SLIT1: variants seen among roughly 807,000 people sequenced by gnomAD.
The protein encoded by SLIT1 is slit guidance ligand 1.
SLIT1 carries 66 observed loss-of-function variants against 186.1 expected under a neutral mutation model. The observed-to-expected ratio is 0.35, with a 90% CI of 0.29 to 0.44. The LOEUF (loss-of-function observed/expected upper bound fraction) is 0.44. Among genes scored for constraint, SLIT1 ranks in the 20% least tolerant of loss-of-function variants. SLIT1 has a pLI of 1.00. For synonymous variants in SLIT1, 761 were observed against 833.8 expected, an observed-to-expected ratio of 0.91 and a Z score of 1.50; for missense variants, 1,638 against 2,037.4, an observed-to-expected ratio of 0.80 and a Z score of 3.77.
intron 12 of SLIT1, 85 bp from the exon 13 acceptor site, chr10:97,056,549 G>C: frequency 7.1e-7 from 1 of 1,415,582 alleles, no homozygotes; most frequent in East Asian, 2.3e-5. Flanking sequence ...CTTCAGTCCC[G>C]GCCTGCGTTA....
At chr10:97,161,843 T>C (rs1850031245) in intron 3 of SLIT1, among the ~76,000 whole-genome samples, 1 of 152,212 alleles carries the variant, frequency 6.6e-6, no homozygotes, top group Non-Finnish European at 1.5e-5. Flanking sequence ...GGCAAAATGA[T>C]CTGGGTTCTA....
At chr10:97,008,208 A>C (rs767221879) in intron 31 of SLIT1, among the ~76,000 whole-genome samples, 1 of 152,262 alleles carries the variant, frequency 6.6e-6, no homozygotes, top group African/African-American at 2.4e-5. Flanking sequence ...ATGCACAAAA[A>C]TCAAACAAAA....
chr10:97,183,540 C>T (rs1386843607), intron 1 of SLIT1, among the ~76,000 whole-genome samples: 1 of 152,166 alleles, frequency 6.6e-6, no homozygotes, highest in South Asian at 2.1e-4. Context: ...GGTCACACAG[C>T]TAATAGGTGA....
chr10:97,048,112 A>G (rs1303538629), intron 14 of SLIT1, 116 bp from the exon 15 acceptor site: 2 of 1,090,958 alleles, frequency 1.8e-6, no homozygotes, highest in East Asian at 4.7e-5. Context: ...TGAGGAGCCC[A>G]TCTGCCCAGT....
At chr10:97,089,501 G>A (rs150589547) in intron 4 of SLIT1, among the ~76,000 whole-genome samples, 105 of 152,322 alleles carry the variant, frequency 6.9e-4, no homozygotes, top group Non-Finnish European at 1.4e-3. Flanking sequence ...CCCATGGCTG[G>A]AGGTGTCAGA....
intron 18 of SLIT1, among the ~76,000 whole-genome samples, chr10:97,046,228 A>T (rs1487045690): frequency 6.6e-6 from 1 of 152,136 alleles, no homozygotes; most frequent in African/African-American, 2.4e-5. Context: ...GCTGTGGGTT[A>T]TGGGATCCTA....
intron 4 of SLIT1, among the ~76,000 whole-genome samples, chr10:97,092,469 A>C (rs1462007840): frequency 6.6e-6 from 1 of 152,220 alleles, no homozygotes; most frequent in Non-Finnish European, 1.5e-5. Flanking sequence ...AAGCACCTGA[A>C]AGCCTCAGAA....
chr10:97,074,722 C>T (rs960525043), intron 4 of SLIT1, among the ~76,000 whole-genome samples: 7 of 152,206 alleles, frequency 4.6e-5, no homozygotes, highest in African/African-American at 1.7e-4. Flanking sequence ...CCCAGTCGGC[C>T]GCCCGCCCCT....
chr10:97,166,634 A>AG (rs1217229514), intron 1 of SLIT1, among the ~76,000 whole-genome samples: 4 of 141,190 alleles, frequency 2.8e-5, no homozygotes, highest in Admixed American at 1.4e-4. Context: ...AGAAAAGAAA[A>AG]GAAAAGAAAG....
chr10:97,078,238 C>G (rs931743889), intron 4 of SLIT1, among the ~76,000 whole-genome samples: 1 of 152,132 alleles, frequency 6.6e-6, no homozygotes, highest in African/African-American at 2.4e-5. Flanking sequence ...TGAGCTCTGC[C>G]CTTATTCATC....
chr10:97,084,816 A>G (rs1016686541), intron 4 of SLIT1, among the ~76,000 whole-genome samples: 3 of 151,784 alleles, frequency 2.0e-5, no homozygotes, highest in African/African-American at 7.3e-5. Context: ...TATGTTGGCC[A>G]TACTGTTCTC....
intron 4 of SLIT1, among the ~76,000 whole-genome samples, chr10:97,119,692 G>A (rs1849541292): frequency 6.6e-6 from 1 of 151,218 alleles, no homozygotes; most frequent in Non-Finnish European, 1.5e-5. Context: ...GCTCAGCAGC[G>A]GTGGGGAGGG....
chr10:97,152,108 G>T (rs1162644779), intron 4 of SLIT1, among the ~76,000 whole-genome samples: 1 of 152,146 alleles, frequency 6.6e-6, no homozygotes, highest in African/African-American at 2.4e-5. Context: ...GCCTGCTCAG[G>T]AAAGTGCCCA....
Position 97,004,725 on chromosome 10 carries a change from G to A in SLIT1, c.3678C>T (p.Asp1226=). The A allele has an allele frequency of 1.2e-6, 2 of 1,614,162 alleles. No individual in the cohort carries two copies. The highest frequency in any genetic ancestry group is 1.1e-5 in the South Asian group (1 of 91,078). The change falls in exon 33 of 37, where the codon GAC becomes GAT. Residue 1226 remains aspartate, a synonymous_variant. Coordinates refer to ENST00000266058, the MANE Select transcript of SLIT1 (RefSeq NM_003061.3). The surrounding 1 kb of genome is among the most constrained non-coding windows in gnomAD (Gnocchi z 5.1). ...LYQGHVRVSY[D]PGSYPSSAIY... ...TGGCAGAGCTGGGGTAGCTGCCTGG[G>A]TCGTAGCTGACACGCACATGGCCCT...
chr10:97,064,861 G>A lies in SLIT1; in HGVS notation c.501C>T (p.Asn167=). 1.2e-6 allele frequency: 2 copies of A among 1,613,034 alleles called. No individual in the cohort carries two copies. Among genetic ancestry groups the A allele is most frequent in the Non-Finnish European group, 1.7e-6 (2 of 1,179,478 alleles). ...TDLKNLQLDK[N]QISCIEEGAF... ...CCCCTTCCTCAATGCAGCTGATCTGGTTCTTGTCCAGCTGTCTGTGAAGCA... is the reference window on the plus strand; with the variant it reads ...CCCCTTCCTCAATGCAGCTGATCTGATTCTTGTCCAGCTGTCTGTGAAGCA... The change falls in exon 6 of 37, where the codon AAC becomes AAT. Residue 167 remains asparagine, a synonymous_variant. Transcript: ENST00000266058.
In SLIT1 at chr10:97,010,115, A is replaced by G. The variant is rs951673233; in HGVS notation, c.3341+878T>C. 1.9e-4 allele frequency among the ~76,000 whole-genome samples: 29 copies of G among 152,378 alleles called. No individual in the cohort carries two copies. The highest frequency in any genetic ancestry group is 7.0e-4 in the African/African-American group (29 of 41,602). On this transcript the variant is annotated intron_variant, in intron 31 of 36. Coordinates refer to ENST00000266058, the MANE Select transcript of SLIT1 (RefSeq NM_003061.3). This position sits in a 1 kb window ranked among gnomAD's most constrained non-coding sequence, Gnocchi z 4.8. ...CACAAAAACCTGTACAAAAATGTCG[A>G]TAAGATCAGTCTTCATTATAGCCAA...
Position 97,148,568 on chromosome 10 carries a change from C to T in SLIT1, c.413+9250G>A, listed in dbSNP as rs1167086280. Reference sequence around the variant, plus strand: ...GTGTTGGGATTATAAGCGTGAGCCACCATGCCTGGCCTAAAACTTTATTTT... The same window carrying T: ...GTGTTGGGATTATAAGCGTGAGCCATCATGCCTGGCCTAAAACTTTATTTT... On this transcript the variant is annotated intron_variant, in intron 4 of 36. Transcript: ENST00000266058. 3.9e-5 allele frequency among the ~76,000 whole-genome samples: 6 copies of T among 152,172 alleles called. No individual in the cohort carries two copies. The South Asian group carries it at 6.2e-4, about 16-fold the overall frequency.
At chr10:97,035,709 T>C (rs1848632810) in intron 22 of SLIT1, among the ~76,000 whole-genome samples, 1 of 152,166 alleles carries the variant, frequency 6.6e-6, no homozygotes, top group Admixed American at 6.5e-5. Flanking sequence ...GCATGTGGAC[T>C]CCAGGCCCTC....
chr10:97,019,931 TG>T (rs1370154859), intron 26 of SLIT1, among the ~76,000 whole-genome samples: 2 of 152,120 alleles, frequency 1.3e-5, no homozygotes, highest in African/African-American at 4.8e-5. Context: ...GACGGACTTC[TG>T]GGGTAGAGAT....
Sources: allele counts gnomAD v4.1 joint callset (sites outside exome capture counted in the v4.1 genomes callset), GRCh38; gene constraint gnomAD v4.1.1; non-coding constraint Gnocchi (gnomAD v3.1); transcripts MANE v1.5; gene names NCBI Gene and HGNC (gene_info 2026-07-23, HGNC 2026-07-21).